Variants in OTOGL observed in about 807,000 individuals in gnomAD.
The protein encoded by OTOGL is otogelin-like protein.
OTOGL carries 285 observed loss-of-function variants against 318.5 expected under a neutral mutation model. That is an observed-to-expected ratio of 0.89 (90% CI 0.81 to 0.99). The LOEUF (loss-of-function observed/expected upper bound fraction) is 0.99, where lower values mean the gene tolerates loss of function less well. OTOGL is among the 50% of genes least tolerant of loss of function. The pLI, the probability that OTOGL is intolerant of heterozygous loss-of-function variation, is 0.00. For synonymous variants in OTOGL, 987 were observed against 936.5 expected (o/e 1.05, Z -0.99); for missense variants, 2,899 against 2,845.6 (o/e 1.02, Z -0.43).
rs1253025732 is a variant in OTOGL at position 80,355,806 on chromosome 12, T to C, written c.5664T>C (p.Thr1888=). The C allele has an allele frequency of 4.3e-6, 7 of 1,613,910 alleles. No individual in the cohort carries two copies. Among genetic ancestry groups the C allele is most frequent in the South Asian group, 1.1e-5 (1 of 91,088 alleles). Residue 1888 remains threonine, a synonymous_variant, in exon 47 of 59, where the codon ACT becomes ACC. Transcript: ENST00000547103. ...GGAATGGGGGCATTGATGAATGCAC[T>C]CTATACAAATGTTTGGAGAATGGAA... ...EIWNGGIDEC[T]LYKCLENGSI...
At position 80,270,111 on chromosome 12, in the gene OTOGL, A is replaced by T; in HGVS notation, c.2475A>T (p.Ser825=). ...IPTPSGLCQC[S]NGTVKCDELA... ...ATTTATTTACTTCTAGCCAGTGTTC[A>T]AATGGGACTGTGAAATGTGATGAAT... is the stretch of plus-strand genomic sequence containing the variant. The change falls in exon 23 of 59, where the codon TCA becomes TCT. Residue 825 remains serine (S), a synonymous_variant. Transcript: ENST00000547103. The T allele has an allele frequency of 6.2e-7, 1 of 1,602,298 alleles. No homozygotes were observed. The highest frequency in any genetic ancestry group is 8.5e-7 in the Non-Finnish European group (1 of 1,170,120).
At chr12:80,199,278 T>C (rs1363855302) in intron 1 of OTOGL, among the ~76,000 whole-genome samples, 1 of 152,212 alleles carries the variant, frequency 6.6e-6, no homozygotes, top group Non-Finnish European at 1.5e-5. Flanking sequence ...CATAAGCTAT[T>C]TTCTCTGCTT....
At chr12:80,158,735 G>GAT (rs1213397164) in intron 1 of OTOGL, among the ~76,000 whole-genome samples, 2 of 151,622 alleles carry the variant, frequency 1.3e-5, no homozygotes, top group East Asian at 3.9e-4. Context: ...CTTTTCAGAG[G>GAT]AATCTTTAGG....
At chr12:80,116,807 A>C (rs1337298679) in intron 1 of OTOGL, among the ~76,000 whole-genome samples, 1 of 152,200 alleles carries the variant, frequency 6.6e-6, no homozygotes, top group African/African-American at 2.4e-5. Flanking sequence ...CCAAGAGAAC[A>C]TATTAAACTA....
At chr12:80,375,901 G>A (rs1891151911) in intron 57 of OTOGL, among the ~76,000 whole-genome samples, 1 of 152,050 alleles carries the variant, frequency 6.6e-6, no homozygotes, top group Admixed American at 6.6e-5. Flanking sequence ...TGAGCAAGAG[G>A]TTAGTGAAAA....
chr12:80,246,355 G>A (rs1010583669), intron 11 of OTOGL, among the ~76,000 whole-genome samples: 1 of 143,660 alleles, frequency 7.0e-6, no homozygotes, highest in Non-Finnish European at 1.5e-5. Context: ...CTAATTTATT[G>A]AGAGTTTTTA....
chr12:80,340,587 G>A (rs569380601), intron 43 of OTOGL, among the ~76,000 whole-genome samples: 27 of 152,154 alleles, frequency 1.8e-4, no homozygotes, highest in East Asian at 3.9e-4. Flanking sequence ...TTAACTAAGC[G>A]CTGCAGAGAG....
intron 1 of OTOGL, among the ~76,000 whole-genome samples, chr12:80,174,467 A>G (rs1874401386): frequency 6.6e-6 from 1 of 152,200 alleles, no homozygotes; most frequent in African/African-American, 2.4e-5. Flanking sequence ...CAGCAAGAAC[A>G]ATTACTTGGG....
At chr12:80,194,679 T>C (rs1875929467) in intron 1 of OTOGL, among the ~76,000 whole-genome samples, 1 of 152,192 alleles carries the variant, frequency 6.6e-6, no homozygotes, top group African/African-American at 2.4e-5. Context: ...TAGAGAGCGC[T>C]CTAAAATATA....
At chr12:80,139,781 G>T (rs1442826369) in intron 1 of OTOGL, among the ~76,000 whole-genome samples, 1 of 152,158 alleles carries the variant, frequency 6.6e-6, no homozygotes, top group Admixed American at 6.5e-5. Flanking sequence ...TAGGAAGGCT[G>T]CCTTTAGAAA....
intron 1 of OTOGL, among the ~76,000 whole-genome samples, chr12:80,191,756 G>A (rs775838712): frequency 6.6e-5 from 10 of 152,186 alleles, no homozygotes; most frequent in Non-Finnish European, 8.8e-5. Flanking sequence ...ATCAGCAAGC[G>A]TAAGGCAGTC....
At chr12:80,257,292 A>C (rs939528998) in intron 17 of OTOGL, among the ~76,000 whole-genome samples, 2 of 117,812 alleles carry the variant, frequency 1.7e-5, no homozygotes, top group Non-Finnish European at 3.4e-5. Context: ...GTTTTTAAGG[A>C]GGTTTTAAGG....
At chr12:80,316,256 G>C (rs548150492) in intron 32 of OTOGL, among the ~76,000 whole-genome samples, 1 of 151,900 alleles carries the variant, frequency 6.6e-6, no homozygotes, top group Non-Finnish European at 1.5e-5. Context: ...GTCATCACAG[G>C]TTCTACATAA....
At chr12:80,212,045 T>G (rs752634874) in intron 4 of OTOGL, 48 bp downstream of exon 4, 1 of 1,493,160 alleles carries the variant, frequency 6.7e-7, no homozygotes, top group Admixed American at 1.9e-5. Flanking sequence ...TAATCCATTC[T>G]GTTTTGGACT....
At chr12:80,320,388 C>T (rs759654097) in intron 33 of OTOGL, 34 bp from the exon 34 acceptor site, 70 of 1,556,178 alleles carry the variant, frequency 4.5e-5, no homozygotes, top group Non-Finnish European at 5.8e-5. Flanking sequence ...GATCTTCCTT[C>T]TCCTGAGAAT....
chr12:80,289,168 T>C (rs7969920), intron 26 of OTOGL, among the ~76,000 whole-genome samples: 4,924 of 152,274 alleles, frequency 0.032, 266 homozygotes, highest in African/African-American at 0.11. Flanking sequence ...TGCAGGTCTG[T>C]TGGCATTTGC....
intron 1 of OTOGL, among the ~76,000 whole-genome samples, chr12:80,141,231 A>C (rs1402976649): frequency 6.6e-6 from 1 of 152,132 alleles, no homozygotes; most frequent in Non-Finnish European, 1.5e-5. Context: ...AACTCTAGAG[A>C]TAAAAGTAAG....
intron 20 of OTOGL, chr12:80,265,528 T>C (rs541253066): frequency 2.9e-6 from 1 of 349,474 alleles, no homozygotes; most frequent in African/African-American, 2.1e-5. Context: ...TATTGGAAAG[T>C]ATGGAACAGA....
In OTOGL at chr12:80,258,010, T is replaced by C; in HGVS notation, c.1889+8T>C. On this transcript the variant is annotated splice_region_variant and intron_variant, in intron 18 of 58. Coordinates refer to ENST00000547103, the MANE Select transcript of OTOGL (RefSeq NM_001378609.3). Reference sequence around the variant, plus strand: ...CATAAGGGATGATTTTCTGTAAGTATGATTTCTGCATAGTTAACATACTTA... The same window carrying C: ...CATAAGGGATGATTTTCTGTAAGTACGATTTCTGCATAGTTAACATACTTA... The C allele has an allele frequency of 2.5e-6, 4 of 1,572,330 alleles. No homozygotes were observed. Among genetic ancestry groups the C allele is most frequent in the Non-Finnish European group, 2.6e-6 (3 of 1,169,978 alleles).
Sources: allele counts gnomAD v4.1 joint callset (sites outside exome capture counted in the v4.1 genomes callset), GRCh38; gene constraint gnomAD v4.1.1; transcripts MANE v1.5; gene names NCBI Gene and HGNC (gene_info 2026-07-23, HGNC 2026-07-21).